SYNPO2: variants seen among roughly 807,000 people sequenced by gnomAD.
The protein encoded by SYNPO2 is synaptopodin-2.
A neutral mutation model predicts 85.0 loss-of-function variants in SYNPO2; 56 were observed. The ratio of observed to expected loss-of-function variants is 0.66; its 90% CI spans 0.53 to 0.82. The LOEUF (loss-of-function observed/expected upper bound fraction) is 0.82. Among genes scored for constraint, SYNPO2 ranks in the 40% least tolerant of loss-of-function variants. SYNPO2 has a pLI of 0.00. For missense variants in SYNPO2, 1,575 were observed against 1,534.2 expected (o/e 1.03, Z -0.44); for synonymous variants, 602 against 591.1 (o/e 1.02, Z -0.27).
intron 1 of SYNPO2, among the ~76,000 whole-genome samples, chr4:118,859,336 T>G (rs564808040): frequency 4.1e-4 from 62 of 152,328 alleles, no homozygotes; most frequent in African/African-American, 1.5e-3. Context: ...GATATTTTGA[T>G]ATAGGCATGT....
intron 1 of SYNPO2, among the ~76,000 whole-genome samples, chr4:118,949,408 A>T (rs1734619757): frequency 6.6e-6 from 1 of 152,160 alleles, no homozygotes; most frequent in Non-Finnish European, 1.5e-5. Flanking sequence ...AATCTAGTTG[A>T]ATGCTCTTGC....
At chr4:118,984,303 T>C (rs763903147) in intron 1 of SYNPO2, among the ~76,000 whole-genome samples, 1 of 152,230 alleles carries the variant, frequency 6.6e-6, no homozygotes, top group Non-Finnish European at 1.5e-5. Flanking sequence ...TAAAATGCTG[T>C]GCCTTATAAA....
intron 1 of SYNPO2, among the ~76,000 whole-genome samples, chr4:119,007,261 T>C (rs866417539): frequency 9.2e-4 from 27 of 29,334 alleles, no homozygotes; most frequent in East Asian, 2.2e-3. Context: ...TACATATATA[T>C]ATATATATAT....
rs1738257441 is a variant in SYNPO2, at chr4:119,031,484, C to T, written c.2709C>T (p.Pro903=). The T allele has an allele frequency of 2.5e-6, 4 of 1,614,036 alleles. No individual in the cohort carries two copies. The highest frequency in any genetic ancestry group is 3.3e-5 in the Admixed American group (2 of 60,008). ...VQAHAARAQS[P]TPSLPASWKY... ...CCCACGCTGCTCGAGCTCAGTCTCC[C>T]ACTCCATCTCTCCCGGCCAGTTGGA... The change falls in exon 4 of 5, where the codon CCC becomes CCT. Residue 903 remains proline, a synonymous_variant. Coordinates refer to ENST00000307142, the MANE Select transcript of SYNPO2 (RefSeq NM_133477.3).
At chr4:118,895,034 AT>A (rs375335547) in intron 1 of SYNPO2, among the ~76,000 whole-genome samples, 1 of 152,066 alleles carries the variant, frequency 6.6e-6, no homozygotes, top group Non-Finnish European at 1.5e-5. Flanking sequence ...GATGTAAATG[AT>A]TTTTTTTAAG....
intron 1 of SYNPO2, among the ~76,000 whole-genome samples, chr4:118,989,582 T>C (rs1254478799): frequency 6.6e-6 from 1 of 152,194 alleles, no homozygotes; most frequent in African/African-American, 2.4e-5. Context: ...GTGCTAGCAG[T>C]GACTTCAGCT....
chr4:119,042,813 A>T (rs1355538323), intron 4 of SYNPO2: 1 of 152,254 alleles, frequency 6.6e-6, no homozygotes, highest in East Asian at 1.9e-4. Context: ...CCTAACAAGC[A>T]CATTGTTTTC....
intron 1 of SYNPO2, among the ~76,000 whole-genome samples, chr4:119,022,512 GT>G (rs778146297): frequency 7.1e-4 from 62 of 87,124 alleles, no homozygotes; most frequent in African/African-American, 1.8e-3. Context: ...TTTTTTGTAG[GT>G]TTTTTTTTTT....
chr4:118,991,779 A>T (rs1015652011), intron 1 of SYNPO2, among the ~76,000 whole-genome samples: 1 of 152,298 alleles, frequency 6.6e-6, no homozygotes, highest in Middle Eastern at 3.4e-3. Context: ...GCCTCATATC[A>T]TCAAAGAATC....
At chr4:118,989,450 T>C (rs1736330098) in intron 1 of SYNPO2, among the ~76,000 whole-genome samples, 1 of 152,240 alleles carries the variant, frequency 6.6e-6, no homozygotes, top group Non-Finnish European at 1.5e-5. Flanking sequence ...TCTCTAATTG[T>C]TTCATGTGTG....
chr4:119,020,190 C>T (rs1194109472), intron 1 of SYNPO2, among the ~76,000 whole-genome samples: 1 of 152,004 alleles, frequency 6.6e-6, no homozygotes, highest in Non-Finnish European at 1.5e-5. Flanking sequence ...TTCAGAAAAA[C>T]TTAAGTAAGA....
At chr4:118,973,600 T>C (rs1163378329) in intron 1 of SYNPO2, among the ~76,000 whole-genome samples, 5 of 152,312 alleles carry the variant, frequency 3.3e-5, no homozygotes, top group Non-Finnish European at 5.9e-5. Flanking sequence ...CATGTTTTTA[T>C]TGGAAATTTA....
intron 2 of SYNPO2, among the ~76,000 whole-genome samples, chr4:119,025,327 A>C (rs1257399999): frequency 6.6e-6 from 1 of 152,226 alleles, no homozygotes; most frequent in African/African-American, 2.4e-5. Flanking sequence ...CAATGTATTT[A>C]ACATTTTCTA....
At chr4:118,882,605 C>G (rs912720569) in intron 1 of SYNPO2, among the ~76,000 whole-genome samples, 27 of 152,200 alleles carry the variant, frequency 1.8e-4, no homozygotes, top group African/African-American at 5.8e-4. Flanking sequence ...TGCTCTCTCT[C>G]TCTCACACAC....
intron 1 of SYNPO2, among the ~76,000 whole-genome samples, chr4:119,013,307 A>T (rs1353578504): frequency 6.6e-6 from 1 of 152,204 alleles, no homozygotes; most frequent in African/African-American, 2.4e-5. Flanking sequence ...TTTGATTTTT[A>T]TTAAATCTTG....
chr4:118,920,079 AGGAGATAGAT>A (rs1279729983), intron 1 of SYNPO2, among the ~76,000 whole-genome samples: 1 of 152,214 alleles, frequency 6.6e-6, no homozygotes, highest in East Asian at 1.9e-4. Context: ...GGTAGAGAAG[AGGAGATAGAT>A]ACCATTGATG....
intron 4 of SYNPO2, among the ~76,000 whole-genome samples, chr4:119,055,067 A>G (rs935366435): frequency 1.3e-5 from 2 of 152,216 alleles, no homozygotes; most frequent in African/African-American, 2.4e-5. Flanking sequence ...CACAGTTTAG[A>G]AAACTTCCTA....
intron 1 of SYNPO2, among the ~76,000 whole-genome samples, chr4:118,954,298 G>C (rs1213170968): frequency 6.6e-6 from 1 of 152,122 alleles, no homozygotes; most frequent in East Asian, 1.9e-4. Flanking sequence ...TTTTTTAAGA[G>C]TGCTTTCTCT....
intron 4 of SYNPO2, chr4:119,034,757 C>T (rs1021282836): frequency 1.5e-5 from 15 of 985,428 alleles, no homozygotes; most frequent in African/African-American, 1.2e-4. Context: ...CCTGTCTGCC[C>T]ACCAGGGGCT....
Sources: allele counts gnomAD v4.1 joint callset (sites outside exome capture counted in the v4.1 genomes callset), GRCh38; gene constraint gnomAD v4.1.1; transcripts MANE v1.5; gene names NCBI Gene and HGNC (gene_info 2026-07-23, HGNC 2026-07-21).